The following SEC23A variants were observed in gnomAD, a reference collection of about 807,000 sequenced individuals.
SEC23A encodes the protein protein transport protein Sec23A.
Under a neutral mutation model 103.7 loss-of-function variants are expected in SEC23A, and 56 were observed. That is an observed-to-expected ratio of 0.54 (90% confidence interval 0.44 to 0.67). The LOEUF is 0.67. SEC23A is among the 30% of genes least tolerant of loss of function. The probability of loss-of-function intolerance (pLI) is 0.00; values close to 1 mark genes in which losing one functional copy is unlikely to be tolerated. For missense variants in SEC23A, 784 were observed against 936.4 expected (o/e 0.84, Z 2.12); for synonymous variants, 281 against 293.0 (o/e 0.96, Z 0.42).
intron 13 of SEC23A, among the ~76,000 whole-genome samples, chr14:39,059,756 C>T (rs904348817): frequency 2.6e-5 from 4 of 152,062 alleles, no homozygotes; most frequent in Non-Finnish European, 5.9e-5. Context: ...AAAAAATTTT[C>T]TTATATAGCT....
At position 39,093,243 on chromosome 14, in the gene SEC23A, G is replaced by C. The variant is rs759224683; in HGVS notation, c.223C>G (p.Gln75Glu). ...CAAAGTTTTGCTCGATAATCCACTT[G>C]ACTGTTTTAAAAAAAAAGAAAAGAC... ...TCRAVLNPLC[Q>E]VDYRAKLWAC... The change falls in exon 3 of 20, where the codon CAA becomes GAA. Residue 75 changes from glutamine (Q) to glutamate (E), a missense_variant and splice_region_variant. Around this residue, in one of 2 missense-constraint regions of SEC23A, gnomAD observed 683 missense variants for 774.2 expected, o/e 0.88. Coordinates refer to ENST00000307712, the MANE Select transcript of SEC23A (RefSeq NM_006364.4). 2 of 1,608,298 alleles carry C rather than the reference G, an allele frequency of 1.2e-6. No homozygotes were observed. Among genetic ancestry groups the C allele is most frequent in the Admixed American group, 3.3e-5 (2 of 59,864 alleles).
At chr14:39,085,990 A>C in intron 6 of SEC23A, 84 bp from the exon 7 acceptor site, 1 of 1,189,948 alleles carries the variant, frequency 8.4e-7, no homozygotes, top group South Asian at 1.2e-5. Context: ...TCCTAAAAAT[A>C]GAAAACAACA....
In SEC23A at chr14:39,094,438, ATATATTTTTTTTT is replaced by A. The variant is rs1464018886; in HGVS notation, c.222-1207_222-1195del. Among the ~76,000 whole-genome samples the A allele has an allele frequency of 1.3e-3, 21 of 15,668 alleles. 4 individuals carry two copies. Among genetic ancestry groups the A allele is most frequent in the African/African-American group, 8.8e-3 (13 of 1,482 alleles). The allele number at this position is 15,668 out of a possible 152,430, so 10.3% of individuals were successfully genotyped here. A position where few individuals can be genotyped will look rare whatever the true frequency, so the allele number is the denominator to read the frequency against. ...TATATATATATATATATATATATAT[ATATATTTTTTTTT>A]TTTTTTTTTCCCCTCCTGTAGAAAT... On this transcript the variant is annotated intron_variant, in intron 2 of 19. Transcript: ENST00000307712.
In SEC23A at chr14:39,055,181, C is replaced by T; in HGVS notation, c.1621G>A (p.Asp541Asn). ...TGTCTGTCCAGCCACCTAAGCACAT[C>T]TGGACCTTCTTCTGTTTCTGCTCTA... Reference protein sequence around the residue: ...IYRAETEEGPDVLRWLDRQLI... With the variant: ...IYRAETEEGPNVLRWLDRQLI... The change falls in exon 14 of 20, where the codon GAT (aspartate) becomes AAT (asparagine). Residue 541 changes from aspartate (D) to asparagine (N), a missense_variant. Physicochemically the swap from Asp to Asn is conservative, Grantham distance 23. Coordinates refer to ENST00000307712, the MANE Select transcript of SEC23A (RefSeq NM_006364.4). The T allele has an allele frequency of 1.2e-6, 2 of 1,614,254 alleles. No individual in the cohort carries two copies. The highest frequency in any genetic ancestry group is 1.7e-6 in the Non-Finnish European group (2 of 1,180,044).
rs1355264220 is a variant in SEC23A, at chr14:39,040,673, G to T, written c.2142+59C>A. The stretch of plus-strand genomic sequence containing the variant: ...TCTATTAAAATCAGAAGGCAAGCAG[G>T]TACACCTCACTGCAAACCTAACAAC... On this transcript the variant is annotated intron_variant, in intron 18 of 19. Coordinates refer to ENST00000307712, the MANE Select transcript of SEC23A (RefSeq NM_006364.4). 6.9e-6 allele frequency: 11 copies of T among 1,595,744 alleles called. No homozygotes were observed. The East Asian group carries it at 2.5e-4, about 36-fold the overall frequency.
At chr14:39,042,935 A>C in intron 16 of SEC23A, 63 bp from the exon 17 acceptor site, 1 of 988,644 alleles carries the variant, frequency 1.0e-6, no homozygotes, top group Non-Finnish European at 1.6e-6. Context: ...AATAATATAA[A>C]ATAGATGTTT....
At chr14:39,073,395 TG>T (rs1289715342) in intron 9 of SEC23A, among the ~76,000 whole-genome samples, 1 of 151,602 alleles carries the variant, frequency 6.6e-6, no homozygotes, top group Non-Finnish European at 1.5e-5. Context: ...CAGGTTCAAG[TG>T]ATTCTCCTGC....
intron 13 of SEC23A, among the ~76,000 whole-genome samples, chr14:39,061,504 T>C (rs979936832): frequency 1.1e-4 from 17 of 152,248 alleles, no homozygotes; most frequent in Admixed American, 3.3e-4. Context: ...ATATCTGATT[T>C]TTCTCCTCTC....
chr14:39,091,385 TA>T (rs1206023421), intron 5 of SEC23A, 91 bp downstream of exon 5: 3 of 850,954 alleles, frequency 3.5e-6, no homozygotes, highest in African/African-American at 3.4e-5. Flanking sequence ...TTATTCATAA[TA>T]AAAATTTGTC....
chr14:39,065,267 A>C (rs912289320), intron 10 of SEC23A, among the ~76,000 whole-genome samples: 2 of 151,940 alleles, frequency 1.3e-5, no homozygotes, highest in African/African-American at 2.4e-5. Context: ...CTACCTACCC[A>C]CCCAAAATTC....
Position 39,095,888 on chromosome 14 carries a change from T to C in SEC23A, c.221+10A>G. Reference sequence around the variant, plus strand: ...ATTGCCACATTAGTTTTTCTATATATTTTACTTACCATAAAGGATTCAAAA... The same window carrying C: ...ATTGCCACATTAGTTTTTCTATATACTTTACTTACCATAAAGGATTCAAAA... On this transcript the variant is annotated intron_variant, in intron 2 of 19. Transcript: ENST00000307712. 1 of 1,578,554 alleles carries C rather than the reference T, an allele frequency of 6.3e-7. No homozygotes were observed.
chr14:39,048,874 C>T, intron 14 of SEC23A, 145 bp from the exon 15 acceptor site: 2 of 588,354 alleles, frequency 3.4e-6, no homozygotes, highest in Non-Finnish European at 6.0e-6. Flanking sequence ...TACTTATAGA[C>T]TTACCAAGAG....
chr14:39,080,027 T>C (rs1437841587), intron 7 of SEC23A, among the ~76,000 whole-genome samples: 2 of 152,038 alleles, frequency 1.3e-5, no homozygotes, highest in African/African-American at 4.8e-5. Context: ...ATAGCAGTCA[T>C]GTAAAGCTGA....
intron 19 of SEC23A, among the ~76,000 whole-genome samples, chr14:39,037,700 T>C (rs1374948199): frequency 6.6e-6 from 1 of 152,242 alleles, no homozygotes; most frequent in African/African-American, 2.4e-5. Flanking sequence ...ATATGATCTA[T>C]ATTCAAATCT....
intron 11 of SEC23A, 86 bp from the exon 12 acceptor site, chr14:39,063,499 G>T: frequency 1.2e-6 from 1 of 821,622 alleles, no homozygotes. Flanking sequence ...AAAGACCACA[G>T]GAAAAAAAAA....
At chr14:39,051,953 C>T (rs545168744) in intron 14 of SEC23A, among the ~76,000 whole-genome samples, 251 of 131,194 alleles carry the variant, frequency 1.9e-3, no homozygotes, top group Non-Finnish European at 3.1e-3. Flanking sequence ...GGCGACAAGG[C>T]GAGGCTCCTT....
At chr14:39,094,424 A>T (rs1594486693) in intron 2 of SEC23A, among the ~76,000 whole-genome samples, 1 of 58,596 alleles carries the variant, frequency 1.7e-5, no homozygotes, top group African/African-American at 1.3e-4. Flanking sequence ...ATATATATAT[A>T]TATATATATA....
At chr14:39,033,965 T>C (rs1885384424) in intron 19 of SEC23A, among the ~76,000 whole-genome samples, 1 of 152,226 alleles carries the variant, frequency 6.6e-6, no homozygotes, top group Non-Finnish European at 1.5e-5. Flanking sequence ...AAGTTCTTAT[T>C]AATTATAAAT....
At chr14:39,076,431 ATT>A (rs766282291) in intron 7 of SEC23A, among the ~76,000 whole-genome samples, 37 of 134,494 alleles carry the variant, frequency 2.8e-4, no homozygotes, top group African/African-American at 2.4e-4. Flanking sequence ...TGGGTTTTTA[ATT>A]TTTTTTTTTT....
Sources: allele counts gnomAD v4.1 joint callset (sites outside exome capture counted in the v4.1 genomes callset), GRCh38; gene constraint gnomAD v4.1.1; regional missense constraint gnomAD v4.1.1; transcripts MANE v1.5; gene names NCBI Gene and HGNC (gene_info 2026-07-23, HGNC 2026-07-21).